Variants in IMMP2L observed in about 807,000 individuals in gnomAD.
The protein encoded by IMMP2L is inner mitochondrial membrane peptidase subunit 2, also known as mitochondrial inner membrane protease subunit 2.
Under a neutral mutation model 19.3 loss-of-function variants are expected in IMMP2L, and 18 were observed. That is an observed-to-expected ratio of 0.93 (90% confidence interval 0.64 to 1.38). IMMP2L has a LOEUF of 1.38. Among genes scored for constraint, IMMP2L ranks in the 40% most tolerant of loss-of-function variants. IMMP2L has a pLI of 0.00. For missense variants in IMMP2L, 233 were observed against 218.2 expected, an observed-to-expected ratio of 1.07 and a Z score of -0.43; for synonymous variants, 76 against 73.0, an observed-to-expected ratio of 1.04 and a Z score of -0.21.
At position 110,817,603 on chromosome 7, in the gene IMMP2L, A is replaced by G. The variant is rs1802644914; in HGVS notation, c.408+68990T>C. 3.3e-5 allele frequency among the ~76,000 whole-genome samples: 5 copies of G among 151,430 alleles called. 1 individual carries two copies. The highest frequency in any genetic ancestry group is 1.2e-4 in the African/African-American group (5 of 40,778). On this transcript the variant is annotated intron_variant, in intron 5 of 5. Coordinates refer to ENST00000405709, the MANE Select transcript of IMMP2L (RefSeq NM_032549.4). ...CCAATGACTTTCTTCACAGAATTGG[A>G]AAAAACTACTTTAAAGTTCATATGG...
chr7:111,072,518 C>T (rs1177233697), intron 3 of IMMP2L, among the ~76,000 whole-genome samples: 1 of 151,170 alleles, frequency 6.6e-6, no homozygotes, highest in African/African-American at 2.4e-5. Context: ...ATCAGAAAAA[C>T]CCAAAAATAA....
intron 3 of IMMP2L, among the ~76,000 whole-genome samples, chr7:111,256,745 T>C (rs1816741149): frequency 6.6e-6 from 1 of 152,080 alleles, no homozygotes; most frequent in South Asian, 2.1e-4. Context: ...TCTTCAATAA[T>C]TTAACTCTCT....
intron 3 of IMMP2L, among the ~76,000 whole-genome samples, chr7:111,332,341 T>A (rs1825962765): frequency 6.6e-6 from 1 of 151,896 alleles, no homozygotes; most frequent in South Asian, 2.1e-4. Flanking sequence ...AATCAAAACA[T>A]CAGTCTTTTC....
At chr7:110,957,284 A>G (rs1045408811) in intron 4 of IMMP2L, among the ~76,000 whole-genome samples, 2 of 152,038 alleles carry the variant, frequency 1.3e-5, no homozygotes, top group Admixed American at 6.6e-5. Flanking sequence ...AATATAATCT[A>G]AATGACTGTG....
intron 4 of IMMP2L, among the ~76,000 whole-genome samples, chr7:110,890,071 G>A (rs1175103055): frequency 1.3e-5 from 2 of 152,046 alleles, no homozygotes; most frequent in Non-Finnish European, 2.9e-5. Context: ...CTATCTATTA[G>A]CATCAGTTTT....
chr7:111,195,951 C>G (rs1039120175), intron 3 of IMMP2L, among the ~76,000 whole-genome samples: 1 of 152,030 alleles, frequency 6.6e-6, no homozygotes, highest in Non-Finnish European at 1.5e-5. Flanking sequence ...ACTGCACCCT[C>G]GAACTCCTGG....
chr7:111,122,506 T>TC lies in IMMP2L; in HGVS notation c.240-158942dup. The TC allele has an allele frequency of 7.4e-6, 3 of 404,922 alleles. No individual in the cohort carries two copies. The Admixed American group carries it at 1.2e-4, about 17-fold the overall frequency. 25.1% of individuals were successfully genotyped at this position (404,922 alleles called of 1,614,324 possible). On this transcript the variant is annotated intron_variant, in intron 3 of 5. Transcript: ENST00000405709. ...TGAATTACTCAATCTCCTATGACCA[T>TC]CTATACATACTCCACCTTCAAAAAG...
intron 4 of IMMP2L, among the ~76,000 whole-genome samples, chr7:110,926,602 C>T (rs1475928998): frequency 2.0e-5 from 3 of 151,952 alleles, no homozygotes; most frequent in Non-Finnish European, 2.9e-5. Flanking sequence ...TATATGTATT[C>T]CGTTAATTTT....
intron 3 of IMMP2L, among the ~76,000 whole-genome samples, chr7:111,343,867 C>T (rs1193770813): frequency 6.6e-6 from 1 of 152,108 alleles, no homozygotes; most frequent in Non-Finnish European, 1.5e-5. Context: ...ACCTTCACCA[C>T]CCCATTTTGT....
intron 3 of IMMP2L, among the ~76,000 whole-genome samples, chr7:111,354,592 AAAAG>A (rs1828513841): frequency 6.6e-6 from 1 of 151,826 alleles, no homozygotes; most frequent in Admixed American, 6.6e-5. Context: ...CTTTAAAAAA[AAAAG>A]AAAGAAAATG....
chr7:111,188,136 G>C (rs951758010), intron 3 of IMMP2L, among the ~76,000 whole-genome samples: 1 of 151,970 alleles, frequency 6.6e-6, no homozygotes, highest in Non-Finnish European at 1.5e-5. Flanking sequence ...CTCCCTCCAC[G>C]GCTTGTGACA....
At chr7:111,126,462 AACT>A (rs1801323407) in intron 3 of IMMP2L, among the ~76,000 whole-genome samples, 1 of 152,160 alleles carries the variant, frequency 6.6e-6, no homozygotes, top group Non-Finnish European at 1.5e-5. Context: ...GAATGATGTT[AACT>A]AAAGGAAAAG....
intron 1 of IMMP2L, among the ~76,000 whole-genome samples, chr7:111,535,134 C>G (rs924986845): frequency 6.6e-6 from 1 of 152,024 alleles, no homozygotes; most frequent in African/African-American, 2.4e-5. Context: ...GCCCTATTTT[C>G]TTTATAAGCC....
At chr7:111,435,949 T>C (rs1178265022) in intron 3 of IMMP2L, among the ~76,000 whole-genome samples, 1 of 151,756 alleles carries the variant, frequency 6.6e-6, no homozygotes, top group African/African-American at 2.4e-5. Context: ...TAGAATTTCC[T>C]CCGCATACTT....
At chr7:110,768,064 A>C (rs1798783497) in intron 5 of IMMP2L, among the ~76,000 whole-genome samples, 2 of 152,186 alleles carry the variant, frequency 1.3e-5, no homozygotes, top group Non-Finnish European at 2.9e-5. Flanking sequence ...AGATAAACGC[A>C]TACTTAAGAG....
At chr7:111,419,944 T>C (rs1400588680) in intron 3 of IMMP2L, among the ~76,000 whole-genome samples, 4 of 151,792 alleles carry the variant, frequency 2.6e-5, no homozygotes, top group Non-Finnish European at 4.4e-5. Flanking sequence ...ACATAGTTAT[T>C]GCTTAATGGA....
At chr7:111,107,530 G>T (rs985525516) in intron 3 of IMMP2L, among the ~76,000 whole-genome samples, 2 of 151,990 alleles carry the variant, frequency 1.3e-5, no homozygotes, top group Admixed American at 1.3e-4. Flanking sequence ...AAGGGGCAAT[G>T]GAACATGAAG....
chr7:111,144,522 TGA>T (rs1294469566), intron 3 of IMMP2L, among the ~76,000 whole-genome samples: 1 of 152,158 alleles, frequency 6.6e-6, no homozygotes, highest in Non-Finnish European at 1.5e-5. Flanking sequence ...ATCTCAGAAG[TGA>T]CAGGATCATC....
intron 5 of IMMP2L, among the ~76,000 whole-genome samples, chr7:110,742,215 G>T (rs931019766): frequency 6.6e-6 from 1 of 152,054 alleles, no homozygotes; most frequent in African/African-American, 2.4e-5. Flanking sequence ...GCTTCAAATG[G>T]TAACTTTTTT....
Sources: gnomAD v4.1 joint callset for allele counts (sites outside exome capture counted in the v4.1 genomes callset) on GRCh38, gnomAD v4.1.1 for gene constraint, MANE v1.5 for transcripts, NCBI Gene and HGNC (gene_info 2026-07-23, HGNC 2026-07-21) for gene names.